The following CPAP variants were observed in gnomAD, a reference collection of about 807,000 sequenced individuals.
CPAP encodes the protein centrosome assembly and centriole elongation protein.
the CPAP span, chr13:24,885,685 T>C: frequency 6.3e-7 from 1 of 1,590,914 alleles, no homozygotes; most frequent in South Asian, 1.1e-5. Flanking sequence ...TAGAATAAAA[T>C]TGTCAAGAGT....
chr13:24,897,300 T>C, the CPAP span, among the ~76,000 whole-genome samples: 5 of 152,218 alleles, frequency 3.3e-5, no homozygotes, highest in Non-Finnish European at 7.3e-5. Flanking sequence ...ATCTGGCAAT[T>C]TGTATCAATG....
the CPAP span, among the ~76,000 whole-genome samples, chr13:24,923,932 C>T: frequency 1.3e-5 from 2 of 152,108 alleles, no homozygotes; most frequent in African/African-American, 2.4e-5. Flanking sequence ...GGGTTCACGC[C>T]ATTCTCCTGC....
the CPAP span, chr13:24,883,980 T>A: frequency 1.2e-6 from 2 of 1,614,050 alleles, no homozygotes; most frequent in African/African-American, 2.7e-5. Flanking sequence ...CTCTGACAAT[T>A]GTACCATCTG....
chr13:24,899,654 C>A, the CPAP span: 1 of 1,232,796 alleles, frequency 8.1e-7, no homozygotes, highest in Non-Finnish European at 1.2e-6. Flanking sequence ...AACCTGCTGA[C>A]AGGCTAGTAA....
chr13:24,927,207 G>A, the CPAP span, among the ~76,000 whole-genome samples: 1 of 152,142 alleles, frequency 6.6e-6, no homozygotes, highest in African/African-American at 2.4e-5. Flanking sequence ...CAATGGGGGG[G>A]TCACTATGCA....
chr13:24,921,312 C>A, the CPAP span, among the ~76,000 whole-genome samples: 1 of 151,650 alleles, frequency 6.6e-6, no homozygotes, highest in South Asian at 2.1e-4. Context: ...TCTCGAAGAG[C>A]GACAGATATA....
At chr13:24,928,509 C>T in the CPAP span, among the ~76,000 whole-genome samples, 17 of 152,342 alleles carry the variant, frequency 1.1e-4, no homozygotes, top group African/African-American at 4.1e-4. Context: ...TGGCTCACTG[C>T]AGCCTCCACC....
At chr13:24,899,491 T>C in the CPAP span, 1 of 1,613,664 alleles carries the variant, frequency 6.2e-7, no homozygotes, top group Non-Finnish European at 8.5e-7. Flanking sequence ...AAACTTTACG[T>C]TCCTTTTGTA....
chr13:24,899,456 C>T, the CPAP span: 1 of 1,613,682 alleles, frequency 6.2e-7, no homozygotes, highest in East Asian at 2.2e-5. Context: ...TGGAAAAGTT[C>T]TTGCAGCTGT....
chr13:24,906,931 T>C, the CPAP span: 1 of 1,614,088 alleles, frequency 6.2e-7, no homozygotes, highest in Non-Finnish European at 8.5e-7. Flanking sequence ...GTTTTGGTTT[T>C]GCTTTGATTG....
the CPAP span, chr13:24,906,164 G>C: frequency 6.2e-7 from 1 of 1,613,786 alleles, no homozygotes; most frequent in Middle Eastern, 1.7e-4. Flanking sequence ...TGCCGGATTT[G>C]TCTTCTGTGG....
chr13:24,896,594 C>G, the CPAP span, among the ~76,000 whole-genome samples: 1 of 152,104 alleles, frequency 6.6e-6, no homozygotes, highest in African/African-American at 2.4e-5. Context: ...CATCAAGTTG[C>G]AAGAAAAGAA....
the CPAP span, among the ~76,000 whole-genome samples, chr13:24,897,434 T>TG: frequency 2.6e-5 from 4 of 152,326 alleles, no homozygotes; most frequent in South Asian, 8.3e-4. Context: ...AGTATATGCC[T>TG]GCTACACAGC....
At chr13:24,913,210 C>T in the CPAP span, 2 of 582,864 alleles carry the variant, frequency 3.4e-6, no homozygotes, top group Middle Eastern at 9.0e-4. Context: ...TACAAAAGAC[C>T]TTAACTAGCA....
the CPAP span, among the ~76,000 whole-genome samples, chr13:24,904,606 T>C: frequency 6.6e-6 from 1 of 152,194 alleles, no homozygotes; most frequent in Non-Finnish European, 1.5e-5. Flanking sequence ...ATATTAAAAC[T>C]ACATAGAAAA....
chr13:24,900,260 A>G, the CPAP span, among the ~76,000 whole-genome samples: 1 of 152,220 alleles, frequency 6.6e-6, no homozygotes, highest in Non-Finnish European at 1.5e-5. Context: ...AATGTGCCTG[A>G]GGTGTTCAAA....
chr13:24,922,548 C>A, the CPAP span, among the ~76,000 whole-genome samples: 2 of 152,232 alleles, frequency 1.3e-5, no homozygotes, highest in South Asian at 2.1e-4. Context: ...CCCAGCTCTG[C>A]GAAGAACAAA....
the CPAP span, among the ~76,000 whole-genome samples, chr13:24,895,820 G>T: frequency 6.6e-6 from 1 of 152,188 alleles, no homozygotes; most frequent in Non-Finnish European, 1.5e-5. Context: ...ACTCAGTAAT[G>T]ATTAATATAA....
At chr13:24,921,996 T>C in the CPAP span, among the ~76,000 whole-genome samples, 4 of 152,156 alleles carry the variant, frequency 2.6e-5, no homozygotes, top group African/African-American at 9.7e-5. Context: ...CGAGATAGGA[T>C]TAGTATGTGG....
Sources: gnomAD v4.1 joint callset for allele counts (sites outside exome capture counted in the v4.1 genomes callset) on GRCh38, gnomAD v4.1.1 for gene constraint, MANE v1.5 for transcripts, NCBI Gene and HGNC (gene_info 2026-07-23, HGNC 2026-07-21) for gene names.